The following GAB2 variants were observed in gnomAD, a reference collection of about 807,000 sequenced individuals.
GAB2 encodes GRB2 associated binding protein 2, also known as GRB2-associated-binding protein 2.
GAB2 carries 26 observed loss-of-function variants against 65.5 expected under a neutral mutation model. That is an observed-to-expected ratio of 0.40 (90% CI 0.29 to 0.55). GAB2 has a LOEUF of 0.55. Among genes scored for constraint, GAB2 ranks in the 20% least tolerant of loss-of-function variants. GAB2 has a pLI of 0.53. For missense variants in GAB2, 884 were observed against 875.8 expected (o/e 1.01, Z -0.12); for synonymous variants, 321 against 329.6 (o/e 0.97, Z 0.28).
intron 1 of GAB2, among the ~76,000 whole-genome samples, chr11:78,319,999 C>A (rs1855692077): frequency 6.6e-6 from 1 of 151,974 alleles, no homozygotes; most frequent in African/African-American, 2.4e-5. Context: ...CCTCAGCCTC[C>A]TGAGTAGCTG....
intron 1 of GAB2, among the ~76,000 whole-genome samples, chr11:78,397,971 A>G (rs1197067043): frequency 6.6e-6 from 1 of 150,752 alleles, no homozygotes; most frequent in East Asian, 1.9e-4. Flanking sequence ...GGAGCACTTG[A>G]GCTCAGGAGT....
At chr11:78,349,796 G>C (rs963968779) in intron 1 of GAB2, among the ~76,000 whole-genome samples, 1 of 152,016 alleles carries the variant, frequency 6.6e-6, no homozygotes, top group African/African-American at 2.4e-5. Context: ...CTCTCACTTG[G>C]CTCCAGCATT....
rs187546743 is a variant in GAB2 at position 78,226,489 on chromosome 11, T to C, written c.1183A>G (p.Met395Val). 7.4e-6 allele frequency: 12 copies of C among 1,613,862 alleles called. No homozygotes were observed. In the East Asian group the frequency reaches 1.8e-4, roughly 24 times the overall value. The part of the protein sequence containing the change: ...TIPRRNTLPA[M>V]DNSRLHRASS... ...CCTCGGTGAAGTCGGCTGTTGTCCA[T>C]TGCAGGGAGGGTGTTGCGTCTGGGG... The change falls in exon 4 of 10, where the codon ATG (methionine) becomes GTG (valine). Residue 395 changes from methionine to valine, a missense_variant. Physicochemically the swap from Met to Val is conservative, Grantham distance 21. Transcript: ENST00000361507.
intron 2 of GAB2, among the ~76,000 whole-genome samples, chr11:78,258,613 T>C (rs1427928083): frequency 6.6e-6 from 1 of 151,686 alleles, no homozygotes; most frequent in Non-Finnish European, 1.5e-5. Flanking sequence ...CTGTTTTTTT[T>C]TTGAGACAAG....
At chr11:78,414,184 CCCT>C (rs1210743926) in intron 1 of GAB2, among the ~76,000 whole-genome samples, 1 of 151,824 alleles carries the variant, frequency 6.6e-6, no homozygotes, top group Non-Finnish European at 1.5e-5. Context: ...GACAACTACT[CCCT>C]CATCATTTCA....
chr11:78,255,156 G>A (rs1256877675), intron 2 of GAB2, among the ~76,000 whole-genome samples: 1 of 152,026 alleles, frequency 6.6e-6, no homozygotes, highest in Non-Finnish European at 1.5e-5. Flanking sequence ...GTGATGTATG[G>A]GTCAAGGTAG....
chr11:78,277,520 C>T (rs778091260), intron 2 of GAB2, among the ~76,000 whole-genome samples: 1 of 152,232 alleles, frequency 6.6e-6, no homozygotes, highest in Non-Finnish European at 1.5e-5. Flanking sequence ...CTGATACCAT[C>T]TCAGGAGATA....
chr11:78,348,511 A>T (rs1856225999), intron 1 of GAB2, among the ~76,000 whole-genome samples: 2 of 152,236 alleles, frequency 1.3e-5, no homozygotes, highest in African/African-American at 4.8e-5. Flanking sequence ...GACATCAGGG[A>T]AACAAATGAA....
At chr11:78,358,312 A>G (rs1176880526) in intron 1 of GAB2, among the ~76,000 whole-genome samples, 1 of 135,192 alleles carries the variant, frequency 7.4e-6, no homozygotes, top group Non-Finnish European at 1.6e-5. Context: ...GGGGGAGGGG[A>G]GAGGGATAGC....
At chr11:78,315,367 T>C (rs902831867) in intron 1 of GAB2, among the ~76,000 whole-genome samples, 7 of 152,202 alleles carry the variant, frequency 4.6e-5, no homozygotes, top group Non-Finnish European at 1.0e-4. Flanking sequence ...ACCTTCTGTT[T>C]TCTCATCTAT....
chr11:78,266,704 C>G (rs572509359), intron 2 of GAB2, among the ~76,000 whole-genome samples: 36 of 152,274 alleles, frequency 2.4e-4, no homozygotes, highest in Non-Finnish European at 4.1e-4. Flanking sequence ...CTCTTAGAAG[C>G]AGACATAGAG....
chr11:78,410,489 G>A (rs1857113223), intron 1 of GAB2, among the ~76,000 whole-genome samples: 2 of 152,222 alleles, frequency 1.3e-5, no homozygotes, highest in Admixed American at 1.3e-4. Context: ...AGGTGACAGA[G>A]TGACATGCTG....
At chr11:78,244,058 C>T (rs1015755675) in intron 3 of GAB2, among the ~76,000 whole-genome samples, 7 of 152,020 alleles carry the variant, frequency 4.6e-5, no homozygotes, top group Non-Finnish European at 1.0e-4. Flanking sequence ...CCAGCTAAGA[C>T]CTCAGAAGCA....
intron 1 of GAB2, among the ~76,000 whole-genome samples, chr11:78,382,358 G>C (rs530988103): frequency 9.2e-4 from 139 of 151,848 alleles, no homozygotes; most frequent in African/African-American, 3.3e-3. Flanking sequence ...CCTTCTGCTG[G>C]AGCAATATTC....
chr11:78,369,584 G>A (rs1226037725), intron 1 of GAB2, among the ~76,000 whole-genome samples: 12 of 152,136 alleles, frequency 7.9e-5, no homozygotes. Context: ...TCTTTCATCT[G>A]CAAAACAGGT....
intron 1 of GAB2, among the ~76,000 whole-genome samples, chr11:78,359,885 C>G (rs902473372): frequency 2.0e-5 from 3 of 152,100 alleles, no homozygotes; most frequent in Non-Finnish European, 4.4e-5. Context: ...CCTTATATGA[C>G]ATAAAATGTG....
chr11:78,413,272 G>A (rs1001511364), intron 1 of GAB2, among the ~76,000 whole-genome samples: 2 of 152,180 alleles, frequency 1.3e-5, no homozygotes, highest in African/African-American at 4.8e-5. Context: ...TGCCAAAGGG[G>A]AGAAACCACA....
At chr11:78,309,971 T>TGTGCGC (rs1421836447) in intron 1 of GAB2, among the ~76,000 whole-genome samples, 3 of 120,086 alleles carry the variant, frequency 2.5e-5, no homozygotes, top group Admixed American at 8.0e-5. Context: ...TGTGTGTGTG[T>TGTGCGC]GCGCGCGCGC....
intron 1 of GAB2, among the ~76,000 whole-genome samples, chr11:78,284,428 A>G (rs1866417912): frequency 1.3e-5 from 2 of 152,182 alleles, no homozygotes; most frequent in African/African-American, 4.8e-5. Context: ...AAGTCCCCAC[A>G]ATGGCCTACA....
Sources: allele counts gnomAD v4.1 joint callset (sites outside exome capture counted in the v4.1 genomes callset), GRCh38; gene constraint gnomAD v4.1.1; transcripts MANE v1.5; gene names NCBI Gene and HGNC (gene_info 2026-07-23, HGNC 2026-07-21).